The following VPS13C variants were observed in gnomAD, a reference collection of about 807,000 sequenced individuals.
VPS13C encodes the protein vacuolar protein sorting 13 homolog C.
VPS13C carries 358 observed loss-of-function variants against 456.8 expected under a neutral mutation model. That is an observed-to-expected ratio of 0.78 (90% CI 0.72 to 0.86). The LOEUF (loss-of-function observed/expected upper bound fraction) is 0.86, where lower values mean the gene tolerates loss of function less well. VPS13C is among the 40% of genes least tolerant of loss of function. The probability of loss-of-function intolerance (pLI) is 0.00; values close to 1 mark genes in which losing one functional copy is unlikely to be tolerated. For synonymous variants in VPS13C, 1,578 were observed against 1,486.7 expected (o/e 1.06, Z -1.41); for missense variants, 4,818 against 4,385.4 (o/e 1.10, Z -2.79).
intron 33 of VPS13C, 52 bp downstream of exon 33, chr15:61,962,697 A>C: frequency 7.2e-7 from 1 of 1,381,676 alleles, no homozygotes; most frequent in Non-Finnish European, 9.8e-7. Flanking sequence ...TTACAATAGA[A>C]GCTCATATTC....
chr15:61,986,743 G>A (rs2046068665), intron 18 of VPS13C, among the ~76,000 whole-genome samples: 1 of 152,030 alleles, frequency 6.6e-6, no homozygotes, highest in Admixed American at 6.5e-5. Flanking sequence ...AAAAATGAGA[G>A]AGATGGGTGG....
In VPS13C at chr15:61,931,206, T is replaced by G. The variant is rs776743657; in HGVS notation, c.5922A>C (p.Leu1974=). The change falls in exon 50 of 85, where the codon CTA becomes CTC. Residue 1974 remains leucine, a synonymous_variant. Coordinates refer to ENST00000644861, the MANE Select transcript of VPS13C (RefSeq NM_020821.3). ...TCTTCCCTGAGGAGGCCATAAGATG[T>G]AGTCTGAGTTCACCAAGTTGGAAAC... is the stretch of plus-strand genomic sequence containing the variant. ...NDSFQLGELR[L]HLMASSGKMF... is the part of the protein sequence containing the mutation. 2 of 1,614,130 alleles carry G rather than the reference T, an allele frequency of 1.2e-6. No homozygotes were observed. Among genetic ancestry groups the G allele is most frequent in the Non-Finnish European group, 1.7e-6 (2 of 1,180,018 alleles).
At chr15:61,905,067 C>T (rs745666949) in intron 66 of VPS13C, among the ~76,000 whole-genome samples, 1 of 152,004 alleles carries the variant, frequency 6.6e-6, no homozygotes, top group Non-Finnish European at 1.5e-5. Flanking sequence ...TTAGCTAGTA[C>T]AGTAGGGTTA....
Position 62,012,122 on chromosome 15 carries a change from G to A in VPS13C, c.868C>T (p.Pro290Ser), listed in dbSNP as rs758580920. 3 of 1,532,000 alleles carry A rather than the reference G, an allele frequency of 2.0e-6. No individual in the cohort carries two copies. Among genetic ancestry groups the A allele is most frequent in the Non-Finnish European group, 2.7e-6 (3 of 1,110,718 alleles). 94.9% of individuals were successfully genotyped at this position (1,532,000 alleles called of 1,614,324 possible). Residue 290 changes from proline to serine, a missense_variant, in exon 12 of 85, where the codon CCA (proline) becomes TCA (serine). Pro to Ser is a moderately conservative substitution (Grantham distance 74). Transcript: ENST00000644861. ...NEILTSGNIP[P>S]NYQYIFQPIS... The stretch of plus-strand genomic sequence containing the variant: ...TATTACTTACTGTATTGATAATTTG[G>A]GGGTATATTTCCACTTGTAAGAATT...
In VPS13C at chr15:61,947,308, T is replaced by C; in HGVS notation, c.4761A>G (p.Val1587=). 1 of 1,601,482 alleles carries C rather than the reference T, an allele frequency of 6.2e-7. No individual in the cohort carries two copies. Among genetic ancestry groups the C allele is most frequent in the Admixed American group, 1.7e-5 (1 of 58,418 alleles). Reference sequence around the variant, plus strand: ...CATCCTTTTGGGAAATGTTGCTGGATACTAAAAAATAATAGAAACCTTCTG... The same window carrying C: ...CATCCTTTTGGGAAATGTTGCTGGACACTAAAAAATAATAGAAACCTTCTG... The part of the protein sequence containing the change: ...GESRSIAVKA[V]SSNISQKDVF... Residue 1587 remains valine, a splice_region_variant and synonymous_variant, in exon 43 of 85, where the codon GTA becomes GTG. Transcript: ENST00000644861.
At chr15:62,038,050 G>A (rs77273313) in intron 3 of VPS13C, among the ~76,000 whole-genome samples, 1,687 of 152,190 alleles carry the variant, frequency 0.011, 41 homozygotes, top group African/African-American at 0.039. Context: ...GTGATATAGC[G>A]TAATAGCAGG....
chr15:61,862,369 A>G (rs998201235), intron 82 of VPS13C, among the ~76,000 whole-genome samples: 7 of 152,164 alleles, frequency 4.6e-5, no homozygotes, highest in Non-Finnish European at 1.0e-4. Flanking sequence ...TATATAATGT[A>G]TACAGTAATA....
chr15:61,969,543 A>G (rs746717699), intron 27 of VPS13C, 91 bp from the exon 28 acceptor site: 3 of 799,934 alleles, frequency 3.8e-6, no homozygotes, highest in Non-Finnish European at 5.3e-6. Flanking sequence ...ACACATCACC[A>G]TGAGAATAGT....
chr15:61,855,901 T>C (rs1467365026), intron 83 of VPS13C, among the ~76,000 whole-genome samples: 2 of 152,038 alleles, frequency 1.3e-5, no homozygotes, highest in Non-Finnish European at 2.9e-5. Context: ...AGAAAAGACA[T>C]TTTATCAAAT....
chr15:61,987,377 G>A (rs1373709590), intron 18 of VPS13C, among the ~76,000 whole-genome samples: 2 of 152,154 alleles, frequency 1.3e-5, no homozygotes, highest in African/African-American at 2.4e-5. Context: ...CCACACGGCT[G>A]GGGAGGCCTC....
intron 66 of VPS13C, among the ~76,000 whole-genome samples, chr15:61,900,797 G>A (rs1596310066): frequency 6.6e-6 from 1 of 151,734 alleles, no homozygotes; most frequent in Non-Finnish European, 1.5e-5. Context: ...AGCCCGCATT[G>A]CCAAGTCAAT....
At chr15:62,017,236 G>T (rs1003366774) in intron 9 of VPS13C, among the ~76,000 whole-genome samples, 1 of 152,054 alleles carries the variant, frequency 6.6e-6, no homozygotes, top group African/African-American at 2.4e-5. Flanking sequence ...TCTGTAGGTT[G>T]CCTATTCACT....
intron 61 of VPS13C, 125 bp downstream of exon 61, chr15:61,915,508 G>T: frequency 9.6e-7 from 1 of 1,043,706 alleles, no homozygotes; most frequent in Non-Finnish European, 1.3e-6. Flanking sequence ...AAGTCTCCTT[G>T]AACCTAATTC....
chr15:61,864,317 T>C, intron 81 of VPS13C: 4 of 869,698 alleles, frequency 4.6e-6, no homozygotes, highest in Non-Finnish European at 5.5e-6. Context: ...AGTAGCACAT[T>C]AAAACACATT....
chr15:61,857,749 G>A (rs1894001158), intron 82 of VPS13C, among the ~76,000 whole-genome samples: 1 of 152,160 alleles, frequency 6.6e-6, no homozygotes, highest in South Asian at 2.1e-4. Context: ...AGGAGACAAT[G>A]GAAGCCTCAA....
intron 11 of VPS13C, 41 bp downstream of exon 11, chr15:62,012,998 T>C (rs753334829): frequency 6.7e-7 from 1 of 1,493,534 alleles, no homozygotes; most frequent in East Asian, 2.3e-5. Flanking sequence ...AATTTAGGGA[T>C]GGGAGTGAAG....
intron 67 of VPS13C, 105 bp from the exon 68 acceptor site, chr15:61,884,374 C>T (rs1046564074): frequency 1.6e-6 from 2 of 1,233,838 alleles, no homozygotes; most frequent in African/African-American, 1.6e-5. Context: ...ATGAAAATTA[C>T]ATTGGTATAA....
intron 2 of VPS13C, among the ~76,000 whole-genome samples, chr15:62,043,381 A>C (rs954265227): frequency 1.3e-5 from 2 of 152,182 alleles, no homozygotes; most frequent in Non-Finnish European, 2.9e-5. Context: ...CAAGGCAGGC[A>C]GACCACCTGA....
intron 66 of VPS13C, among the ~76,000 whole-genome samples, chr15:61,896,668 C>T (rs1396048820): frequency 6.6e-6 from 1 of 152,200 alleles, no homozygotes; most frequent in African/African-American, 2.4e-5. Context: ...GGCAGCGAGG[C>T]TGGGGGAGGG....
Sources: allele counts gnomAD v4.1 joint callset (sites outside exome capture counted in the v4.1 genomes callset), GRCh38; gene constraint gnomAD v4.1.1; transcripts MANE v1.5; gene names NCBI Gene and HGNC (gene_info 2026-07-23, HGNC 2026-07-21).